The following TMEM232 variants were observed in gnomAD, a reference collection of about 807,000 sequenced individuals.
TMEM232 encodes transmembrane protein 232.
In TMEM232, 80 loss-of-function variants were observed where a neutral mutation model predicts 78.8. The observed-to-expected ratio is 1.01, with a 90% CI of 0.85 to 1.22. TMEM232 has a LOEUF of 1.22. TMEM232 is among the 50% of genes most tolerant of loss of function. The pLI is 0.00. For synonymous variants in TMEM232, 297 were observed against 254.3 expected, an observed-to-expected ratio of 1.17 and a Z score of -1.60; for missense variants, 881 against 742.2, an observed-to-expected ratio of 1.19 and a Z score of -2.17.
intron 12 of TMEM232, among the ~76,000 whole-genome samples, chr5:110,473,610 T>A (rs1429231981): frequency 2.6e-5 from 4 of 151,074 alleles, no homozygotes; most frequent in African/African-American, 9.7e-5. Flanking sequence ...AAAATTGAAG[T>A]ACCACATGAT....
chr5:110,680,159 G>A (rs1026319425), intron 1 of TMEM232, among the ~76,000 whole-genome samples: 2 of 152,032 alleles, frequency 1.3e-5, no homozygotes, highest in African/African-American at 4.8e-5. Flanking sequence ...AGCACTTTGG[G>A]AGGCTGAGGC....
intron 6 of TMEM232, 195 bp from the exon 7 acceptor site, chr5:110,625,628 C>T (rs755785073): frequency 5.0e-4 from 176 of 354,270 alleles, no homozygotes; most frequent in Non-Finnish European, 7.6e-4. Flanking sequence ...ATAATTTATA[C>T]GTAAGAGTTT....
intron 2 of TMEM232, among the ~76,000 whole-genome samples, chr5:110,404,307 A>T (rs1035599499): frequency 1.3e-5 from 2 of 152,072 alleles, no homozygotes; most frequent in Admixed American, 1.3e-4. Flanking sequence ...TTGTTAGGAC[A>T]TTTTATCCTC....
intron 12 of TMEM232, among the ~76,000 whole-genome samples, chr5:110,459,455 A>C (rs764197354): frequency 2.2e-4 from 33 of 152,192 alleles, no homozygotes; most frequent in Non-Finnish European, 3.7e-4. Context: ...CTAGTGAATT[A>C]AAAATATTAT....
At chr5:110,394,008 A>G (rs1471082078) in intron 3 of TMEM232, among the ~76,000 whole-genome samples, 2 of 151,502 alleles carry the variant, frequency 1.3e-5, no homozygotes, top group African/African-American at 4.9e-5. Context: ...TGTAGTCACC[A>G]TGTGGTGCTA....
intron 12 of TMEM232, among the ~76,000 whole-genome samples, chr5:110,452,655 T>A (rs1228366262): frequency 6.6e-6 from 1 of 152,180 alleles, no homozygotes; most frequent in Non-Finnish European, 1.5e-5. Flanking sequence ...AGTATTCCTA[T>A]AGCAATATGA....
intron 12 of TMEM232, among the ~76,000 whole-genome samples, chr5:110,506,043 G>T (rs1462671835): frequency 6.6e-6 from 1 of 151,894 alleles, no homozygotes; most frequent in East Asian, 1.9e-4. Context: ...AAATATAGAG[G>T]GTGTCTATTG....
intron 13 of TMEM232, among the ~76,000 whole-genome samples, chr5:110,423,780 C>CGTGTGTGTGTGTGTGTGT (rs146104536): frequency 7.0e-6 from 1 of 142,390 alleles, no homozygotes; most frequent in Admixed American, 7.0e-5. Context: ...TTTATGCGTG[C>CGTGTGTGTGTGTGTGTGT]GTGTGTGTGT....
chr5:110,699,100 A>G (rs1795156921), intron 1 of TMEM232, among the ~76,000 whole-genome samples: 1 of 152,070 alleles, frequency 6.6e-6, no homozygotes, highest in Admixed American at 6.6e-5. Flanking sequence ...AAACAAAAAA[A>G]GCAGGTAAAA....
intron 11 of TMEM232, among the ~76,000 whole-genome samples, chr5:110,564,547 A>T (rs1424932424): frequency 6.6e-6 from 1 of 152,012 alleles, no homozygotes; most frequent in Non-Finnish European, 1.5e-5. Flanking sequence ...TAAAAGTAAG[A>T]TAGACCAATA....
At chr5:110,693,968 T>G (rs1235079757) in intron 1 of TMEM232, among the ~76,000 whole-genome samples, 1 of 151,702 alleles carries the variant, frequency 6.6e-6, no homozygotes, top group Non-Finnish European at 1.5e-5. Context: ...ACAAAGATAC[T>G]CCTCGAGAAG....
intron 12 of TMEM232, among the ~76,000 whole-genome samples, chr5:110,449,541 A>G (rs892694675): frequency 6.6e-6 from 1 of 150,774 alleles, no homozygotes; most frequent in African/African-American, 2.4e-5. Context: ...TTTCCAGTAT[A>G]TTCTTTCTTG....
intron 12 of TMEM232, among the ~76,000 whole-genome samples, chr5:110,518,541 A>T (rs1769028988): frequency 6.6e-6 from 1 of 152,216 alleles, no homozygotes; most frequent in South Asian, 2.1e-4. Context: ...ATTTCTGCAC[A>T]CAAGACTACT....
chr5:110,660,433 C>CA (rs1404062236), intron 2 of TMEM232, among the ~76,000 whole-genome samples: 1 of 151,716 alleles, frequency 6.6e-6, no homozygotes, highest in Non-Finnish European at 1.5e-5. Flanking sequence ...AAGGAAAATT[C>CA]AAAAAATCTT....
intron 12 of TMEM232, among the ~76,000 whole-genome samples, chr5:110,470,905 C>A (rs1762599549): frequency 6.6e-6 from 1 of 152,110 alleles, no homozygotes; most frequent in South Asian, 2.1e-4. Flanking sequence ...AATTGAAAAT[C>A]TACAAATTGC....
At chr5:110,426,639 A>T (rs1399476088) in intron 12 of TMEM232, among the ~76,000 whole-genome samples, 1 of 152,014 alleles carries the variant, frequency 6.6e-6, no homozygotes, top group Non-Finnish European at 1.5e-5. Flanking sequence ...CCCTCTCCCA[A>T]CTTAATTAAT....
intron 10 of TMEM232, among the ~76,000 whole-genome samples, chr5:110,593,899 T>A (rs1779833833): frequency 6.6e-6 from 1 of 152,068 alleles, no homozygotes; most frequent in Non-Finnish European, 1.5e-5. Flanking sequence ...TATTACACAT[T>A]GAATGCCTGT....
chr5:110,412,207 T>C (rs1318587439), intron 2 of TMEM232, among the ~76,000 whole-genome samples: 1 of 152,152 alleles, frequency 6.6e-6, no homozygotes, highest in Non-Finnish European at 1.5e-5. Flanking sequence ...AAAACATAAG[T>C]CAATAGAGCT....
intron 1 of TMEM232, among the ~76,000 whole-genome samples, chr5:110,721,089 A>G (rs1797548715): frequency 6.6e-6 from 1 of 152,112 alleles, no homozygotes. Flanking sequence ...GTTGCAGGGG[A>G]AAAAGTTATT....
Sources: allele counts gnomAD v4.1 joint callset (sites outside exome capture counted in the v4.1 genomes callset), GRCh38; gene constraint gnomAD v4.1.1; transcripts MANE v1.5; gene names NCBI Gene and HGNC (gene_info 2026-07-23, HGNC 2026-07-21).